Variants in ANXA8 observed in about 807,000 individuals in gnomAD.
ANXA8 encodes the protein annexin A8, also known as VAC-beta.
In ANXA8, 9 loss-of-function variants were observed where a neutral mutation model predicts 26.8. That is an observed-to-expected ratio of 0.34 (90% CI 0.20 to 0.59). The LOEUF is 0.59. Ranked by LOEUF, ANXA8 falls within the 20% of genes least tolerant of loss-of-function variation. ANXA8 has a pLI of 0.84. For synonymous variants in ANXA8, 39 were observed against 94.8 expected (o/e 0.41, Z 3.42); for missense variants, 83 against 238.5 (o/e 0.35, Z 4.29).
the ANXA8 span, among the ~76,000 whole-genome samples, chr10:47,548,292 T>G: frequency 1.8e-5 from 2 of 110,172 alleles, no homozygotes; most frequent in Non-Finnish European, 4.0e-5. Context: ...ATATGGCTTA[T>G]TTTTTTGCTA....
chr10:47,724,088 GT>G, the ANXA8 span, among the ~76,000 whole-genome samples: 1 of 136,238 alleles, frequency 7.3e-6, no homozygotes, highest in Non-Finnish European at 1.6e-5. Flanking sequence ...CAGGGGCATT[GT>G]TGACATTTTT....
the ANXA8 span, among the ~76,000 whole-genome samples, chr10:47,543,945 G>A: frequency 2.3e-4 from 33 of 143,198 alleles, no homozygotes; most frequent in Admixed American, 1.1e-3. Context: ...CAGAAAATCC[G>A]TTTCTGGAAG....
chr10:47,501,018 C>G, the ANXA8 span, among the ~76,000 whole-genome samples: 2 of 142,526 alleles, frequency 1.4e-5, no homozygotes, highest in East Asian at 2.6e-4. Context: ...CTCAGCCTCC[C>G]GAGTAGCTGG....
the ANXA8 span, among the ~76,000 whole-genome samples, chr10:47,603,290 T>C: frequency 6.7e-6 from 1 of 149,146 alleles, no homozygotes; most frequent in South Asian, 2.1e-4. Context: ...ACGGCCAATA[T>C]TACCAACATA....
At chr10:47,974,045 A>G in the ANXA8 span, among the ~76,000 whole-genome samples, 2 of 150,708 alleles carry the variant, frequency 1.3e-5, no homozygotes, top group African/African-American at 4.8e-5. Context: ...TAGATTTTCT[A>G]ATTTGTGTGC....
chr10:47,513,081 G>A, the ANXA8 span, among the ~76,000 whole-genome samples: 2 of 142,696 alleles, frequency 1.4e-5, no homozygotes, highest in Admixed American at 7.0e-5. Flanking sequence ...TGCCCAGGCT[G>A]GAGTATGCAA....
chr10:47,586,698 G>T, the ANXA8 span, among the ~76,000 whole-genome samples: 1 of 145,862 alleles, frequency 6.9e-6, no homozygotes, highest in Admixed American at 6.7e-5. Flanking sequence ...GGTGACAGAG[G>T]TGAAGGAGGG....
At chr10:47,632,192 G>A in the ANXA8 span, among the ~76,000 whole-genome samples, 8 of 151,112 alleles carry the variant, frequency 5.3e-5, no homozygotes, top group Non-Finnish European at 1.0e-4. Flanking sequence ...GATTAGAACC[G>A]TCTTTCTCAG....
At chr10:47,546,305 T>C in the ANXA8 span, among the ~76,000 whole-genome samples, 1 of 135,676 alleles carries the variant, frequency 7.4e-6, no homozygotes, top group African/African-American at 2.7e-5. Flanking sequence ...CTCAGAAATA[T>C]TTGAAATAGC....
chr10:47,720,019 G>GT, the ANXA8 span: 1 of 1,410,662 alleles, frequency 7.1e-7, no homozygotes, highest in Non-Finnish European at 9.6e-7. Flanking sequence ...TACAAACAAT[G>GT]TTTTAGCTGC....
At chr10:47,985,540 T>C in the ANXA8 span, 4 of 104,234 alleles carry the variant, frequency 3.8e-5, no homozygotes, top group African/African-American at 1.4e-4. Flanking sequence ...CATGTTTTTA[T>C]TGGCAGGTAA....
At chr10:47,494,380 C>A in the ANXA8 span, among the ~76,000 whole-genome samples, 1 of 127,328 alleles carries the variant, frequency 7.9e-6, no homozygotes, top group Non-Finnish European at 1.6e-5. Flanking sequence ...GTGGAATTTG[C>A]CCAACATACT....
the ANXA8 span, among the ~76,000 whole-genome samples, chr10:47,652,087 A>C: frequency 6.6e-6 from 1 of 151,608 alleles, no homozygotes; most frequent in South Asian, 2.1e-4. Context: ...AATGTTTAGA[A>C]CAGGAAATCC....
the ANXA8 span, among the ~76,000 whole-genome samples, chr10:47,982,801 C>CATATATAT: frequency 0.027 from 346 of 12,906 alleles, 31 homozygotes; most frequent in East Asian, 0.06. Flanking sequence ...ATTTGCAAAT[C>CATATATAT]ATATATATAT....
the ANXA8 span, among the ~76,000 whole-genome samples, chr10:47,684,425 G>C: frequency 4.4e-5 from 3 of 67,536 alleles, no homozygotes; most frequent in Admixed American, 4.2e-4. Flanking sequence ...TTTTTTTTTG[G>C]GGGGGGGGTG....
the ANXA8 span, among the ~76,000 whole-genome samples, chr10:47,948,807 T>C: frequency 6.6e-6 from 1 of 151,584 alleles, no homozygotes; most frequent in Non-Finnish European, 1.5e-5. Context: ...CTATGCAAGG[T>C]AAAACATAAT....
chr10:47,907,148 G>T, the ANXA8 span, among the ~76,000 whole-genome samples: 2 of 151,810 alleles, frequency 1.3e-5, no homozygotes, highest in Admixed American at 6.6e-5. Flanking sequence ...GAGGTCAGGA[G>T]ATCGAGACCA....
the ANXA8 span, among the ~76,000 whole-genome samples, chr10:47,648,245 C>A: frequency 0.058 from 8,686 of 148,838 alleles, 560 homozygotes; most frequent in African/African-American, 0.21. Context: ...AATAGCAGAA[C>A]GTAGCAGGAT....
chr10:47,970,946 C>A, the ANXA8 span, among the ~76,000 whole-genome samples: 39 of 151,448 alleles, frequency 2.6e-4, 3 homozygotes, highest in East Asian at 7.2e-3. Flanking sequence ...GGAGTGACCC[C>A]CACCAGGAGT....
Sources: allele counts gnomAD v4.1 joint callset (sites outside exome capture counted in the v4.1 genomes callset), GRCh38; gene constraint gnomAD v4.1.1; transcripts MANE v1.5; gene names NCBI Gene and HGNC (gene_info 2026-07-23, HGNC 2026-07-21).